Variants in SBNO1 observed in about 807,000 individuals in gnomAD.
SBNO1 encodes the protein strawberry notch homolog 1, also known as protein strawberry notch homolog 1.
SBNO1 carries 23 observed loss-of-function variants against 173.6 expected under a neutral mutation model. The observed-to-expected ratio is 0.13, with a 90% confidence interval of 0.10 to 0.19. SBNO1 has a LOEUF of 0.19. Among genes scored for constraint, SBNO1 ranks in the 10% least tolerant of loss-of-function variants. The pLI is 1.00. For synonymous variants in SBNO1, 632 were observed against 571.5 expected (o/e 1.11, Z -1.51); for missense variants, 1,238 against 1,671.2 (o/e 0.74, Z 4.52).
intron 2 of SBNO1, chr12:123,349,236 A>C (rs895570733): frequency 4.6e-5 from 7 of 152,090 alleles, no homozygotes; most frequent in African/African-American, 1.7e-4. Flanking sequence ...GGTAGCTGGG[A>C]CATCAAGTGC....
intron 5 of SBNO1, among the ~76,000 whole-genome samples, chr12:123,337,393 G>C (rs1871975238): frequency 6.6e-6 from 1 of 152,186 alleles, no homozygotes; most frequent in South Asian, 2.1e-4. Flanking sequence ...AAACTGTTGT[G>C]AAACTCAGTA....
chr12:123,324,600 G>T (rs1374378350), intron 15 of SBNO1, among the ~76,000 whole-genome samples: 1 of 151,444 alleles, frequency 6.6e-6, no homozygotes, highest in Non-Finnish European at 1.5e-5. Context: ...TGGATTACAG[G>T]CGTGAGCCCC....
chr12:123,364,110 C>T, intron 1 of SBNO1: 1 of 985,580 alleles, frequency 1.0e-6, no homozygotes. Flanking sequence ...CCTGGAGAGG[C>T]GTGAAGGGAG....
chr12:123,314,887 A>T (rs562332937), intron 23 of SBNO1, among the ~76,000 whole-genome samples: 10 of 149,272 alleles, frequency 6.7e-5, no homozygotes, highest in African/African-American at 2.5e-4. Context: ...TGAGCAACTG[A>T]TCCCGGCCTA....
intron 21 of SBNO1, among the ~76,000 whole-genome samples, chr12:123,317,019 G>C (rs1869370253): frequency 6.6e-6 from 1 of 152,008 alleles, no homozygotes; most frequent in African/African-American, 2.4e-5. Flanking sequence ...TTTTCTTTTG[G>C]TGGAGAAAGG....
intron 19 of SBNO1, among the ~76,000 whole-genome samples, 193 bp downstream of exon 19, chr12:123,320,239 A>C (rs902624337): frequency 1.3e-5 from 2 of 152,242 alleles, no homozygotes; most frequent in African/African-American, 4.8e-5. Flanking sequence ...TGCAGTAACT[A>C]GGACCAGTGG....
chr12:123,344,582 AC>A (rs1872902904), intron 4 of SBNO1, among the ~76,000 whole-genome samples: 1 of 152,130 alleles, frequency 6.6e-6, no homozygotes, highest in African/African-American at 2.4e-5. Context: ...CATGGTACTC[AC>A]GCCTGTAATC....
chr12:123,338,745 C>T (rs575036848), intron 5 of SBNO1, among the ~76,000 whole-genome samples: 105 of 151,926 alleles, frequency 6.9e-4, no homozygotes, highest in Admixed American at 1.2e-3. Context: ...TGGTGGGGGG[C>T]GCCTGTAATC....
At chr12:123,319,693 G>A (rs1472277207) in intron 20 of SBNO1, among the ~76,000 whole-genome samples, 1 of 151,268 alleles carries the variant, frequency 6.6e-6, no homozygotes, top group Non-Finnish European at 1.5e-5. Flanking sequence ...ACAGGCCTGA[G>A]CCACTGCACC....
chr12:123,346,387 G>A (rs772157853), intron 3 of SBNO1, among the ~76,000 whole-genome samples: 7 of 152,126 alleles, frequency 4.6e-5, no homozygotes, highest in East Asian at 1.9e-4. Flanking sequence ...ACTATTGGCC[G>A]GGCGCGGTGG....
intron 1 of SBNO1, among the ~76,000 whole-genome samples, chr12:123,352,313 G>C (rs1293414225): frequency 6.6e-6 from 1 of 152,212 alleles, no homozygotes; most frequent in African/African-American, 2.4e-5. Context: ...CATTAGCCAA[G>C]AGTACGATCA....
Position 123,364,737 on chromosome 12 carries a change from C to A in SBNO1, c.-37G>T. The A allele has an allele frequency of 1.0e-6, 1 of 987,640 alleles. No homozygotes were observed. The highest frequency in any genetic ancestry group is 5.2e-4 in the Middle Eastern group (1 of 1,924). The allele number at this position is 987,640 out of a possible 1,614,324, so 61.2% of individuals were successfully genotyped here. A position where few individuals can be genotyped will look rare whatever the true frequency, so the allele number is the denominator to read the frequency against. On this transcript the variant is annotated 5_prime_UTR_variant, in exon 1 of 32. Coordinates refer to ENST00000602398, the MANE Select transcript of SBNO1 (RefSeq NM_001167856.3). Reference sequence around the variant, plus strand: ...GACCCGGCGCCAGCACAGCTCCTCCCGGGAGGTGTGAGTTTGAAGGACCAG... The same window carrying A: ...GACCCGGCGCCAGCACAGCTCCTCCAGGGAGGTGTGAGTTTGAAGGACCAG...
chr12:123,343,098 TG>T (rs1872743066), intron 4 of SBNO1, among the ~76,000 whole-genome samples: 1 of 152,098 alleles, frequency 6.6e-6, no homozygotes, highest in African/African-American at 2.4e-5. Context: ...CCAGGCTTGG[TG>T]GCTCATGCCT....
chr12:123,345,562 A>T lies in SBNO1; in HGVS notation c.246T>A (p.Pro82=), dbSNP rs1226859023. The T allele has an allele frequency of 6.2e-7, 1 of 1,612,776 alleles. No individual in the cohort carries two copies. Among genetic ancestry groups the T allele is most frequent in the Admixed American group, 1.7e-5 (1 of 59,942 alleles). Residue 82 remains proline, a synonymous_variant, in exon 4 of 32, where the codon CCT becomes CCA. Transcript: ENST00000602398. ...TPALLNVRQQ[P]PSTTTFVLNQ... ...TCAGCACAAATGTTGTAGTAGATGGAGGCTGCTGCTAGATAGAAAACAAAA... is the reference window on the plus strand; with the variant it reads ...TCAGCACAAATGTTGTAGTAGATGGTGGCTGCTGCTAGATAGAAAACAAAA...
In SBNO1 at chr12:123,309,726, A is replaced by G. The variant is rs2049008491; in HGVS notation, c.3426T>C (p.Tyr1142=). 1.9e-6 allele frequency: 3 copies of G among 1,612,196 alleles called. No homozygotes were observed. The highest frequency in any genetic ancestry group is 2.5e-6 in the Non-Finnish European group (3 of 1,179,532). ...VVQNAKKNGR[Y]DMGILDLGSG... Reference sequence around the variant, plus strand: ...CCTACTTACCTAAGATTCCCATATCATATCTTCCATTTTTTTTGGCATTTT... The same window carrying G: ...CCTACTTACCTAAGATTCCCATATCGTATCTTCCATTTTTTTTGGCATTTT... The change falls in exon 26 of 32, where the codon TAT becomes TAC. Residue 1142 remains tyrosine (Y), a synonymous_variant. Coordinates refer to ENST00000602398, the MANE Select transcript of SBNO1 (RefSeq NM_001167856.3).
intron 31 of SBNO1, 68 bp from the exon 32 acceptor site, chr12:123,296,118 G>T: frequency 5.3e-6 from 5 of 948,576 alleles, no homozygotes; most frequent in Non-Finnish European, 3.3e-6. Context: ...CTTCACAGCA[G>T]ATTCCAAATG....
intron 17 of SBNO1, among the ~76,000 whole-genome samples, 168 bp downstream of exon 17, chr12:123,321,367 T>C (rs1368543774): frequency 1.3e-5 from 2 of 152,220 alleles, no homozygotes; most frequent in East Asian, 1.9e-4. Flanking sequence ...TTCTCACATA[T>C]ATGAGGCTCA....
At chr12:123,335,684 C>T (rs1871759319) in intron 6 of SBNO1, among the ~76,000 whole-genome samples, 1 of 152,176 alleles carries the variant, frequency 6.6e-6, no homozygotes, top group East Asian at 1.9e-4. Context: ...AACCAATAAA[C>T]ATGTCTATGT....
rs1177604996 is a variant in SBNO1, at chr12:123,290,636, G to A, written c.*5272C>T. On this transcript the variant is annotated 3_prime_UTR_variant, in exon 32 of 32. Transcript: ENST00000602398. ...GTACCCCAGGGACCAGTGCTGCAAT[G>A]GGAATCTGCTTGTCTCACCCTCCAG... The A allele has an allele frequency of 6.6e-6, 1 of 152,246 alleles. No homozygotes were observed. Among genetic ancestry groups the A allele is most frequent in the East Asian group, 1.9e-4 (1 of 5,192 alleles). 9.4% of individuals were successfully genotyped at this position (152,246 alleles called of 1,614,324 possible).
Sources: gnomAD v4.1 joint callset for allele counts (sites outside exome capture counted in the v4.1 genomes callset) on GRCh38, gnomAD v4.1.1 for gene constraint, MANE v1.5 for transcripts, NCBI Gene and HGNC (gene_info 2026-07-23, HGNC 2026-07-21) for gene names.